DPP10: variants seen among roughly 807,000 people sequenced by gnomAD.
The protein encoded by DPP10 is dipeptidyl peptidase like 10, also known as inactive dipeptidyl peptidase 10.
A neutral mutation model predicts 120.9 loss-of-function variants in DPP10; 33 were observed. The observed-to-expected ratio is 0.27, with a 90% CI of 0.21 to 0.37. The LOEUF is 0.37. Among genes scored for constraint, DPP10 ranks in the 10% least tolerant of loss-of-function variants. The pLI, the probability that DPP10 is intolerant of heterozygous loss-of-function variation, is 1.00. For missense variants in DPP10, 816 were observed against 942.8 expected, an observed-to-expected ratio of 0.87 and a Z score of 1.76; for synonymous variants, 337 against 326.1, an observed-to-expected ratio of 1.03 and a Z score of -0.36.
intron 1 of DPP10, among the ~76,000 whole-genome samples, chr2:114,710,517 G>T (rs1001660001): frequency 3.9e-5 from 6 of 152,106 alleles, no homozygotes; most frequent in African/African-American, 1.4e-4. Context: ...GGCCAAGGTG[G>T]GTGGATCACT....
chr2:114,525,669 G>A (rs773125326), intron 1 of DPP10, among the ~76,000 whole-genome samples: 6 of 152,058 alleles, frequency 3.9e-5, no homozygotes, highest in African/African-American at 7.2e-5. Flanking sequence ...TGTGATTTTC[G>A]CACAAGTCAT....
At chr2:115,349,769 G>A (rs969958034) in intron 3 of DPP10, among the ~76,000 whole-genome samples, 1 of 152,058 alleles carries the variant, frequency 6.6e-6, no homozygotes, top group African/African-American at 2.4e-5. Context: ...TTGTTTGTTT[G>A]ACACTAATTT....
chr2:114,783,685 T>C (rs1383190519), intron 1 of DPP10, among the ~76,000 whole-genome samples: 2 of 151,724 alleles, frequency 1.3e-5, no homozygotes, highest in African/African-American at 4.8e-5. Flanking sequence ...AATGCAAAAA[T>C]TAGCCGGGTG....
At chr2:115,807,735 A>G (rs1245974543) in intron 19 of DPP10, among the ~76,000 whole-genome samples, 1 of 152,048 alleles carries the variant, frequency 6.6e-6, no homozygotes, top group African/African-American at 2.4e-5. Flanking sequence ...GCTAGGGGAG[A>G]GATCCAAAAA....
intron 1 of DPP10, among the ~76,000 whole-genome samples, chr2:115,249,977 G>T (rs1044765094): frequency 1.3e-5 from 2 of 152,106 alleles, no homozygotes; most frequent in Non-Finnish European, 2.9e-5. Context: ...TATGCAGTAC[G>T]CTGACCAAAC....
intron 4 of DPP10, among the ~76,000 whole-genome samples, chr2:115,519,119 C>T (rs940027955): frequency 1.3e-5 from 2 of 152,094 alleles, no homozygotes; most frequent in Non-Finnish European, 2.9e-5. Flanking sequence ...CTCAAATTCA[C>T]CTTTTCTGCC....
At chr2:114,600,346 T>C (rs1229506229) in intron 1 of DPP10, among the ~76,000 whole-genome samples, 1 of 151,888 alleles carries the variant, frequency 6.6e-6, no homozygotes, top group African/African-American at 2.4e-5. Flanking sequence ...TCAGATATTA[T>C]ACTTTTTAAT....
chr2:115,523,515 G>A (rs1477147549), intron 4 of DPP10, among the ~76,000 whole-genome samples: 1 of 151,188 alleles, frequency 6.6e-6, no homozygotes, highest in African/African-American at 2.4e-5. Context: ...TGAGAAAGGT[G>A]TAACAACTGC....
chr2:115,227,385 A>G (rs184321156), intron 1 of DPP10, among the ~76,000 whole-genome samples: 42 of 152,294 alleles, frequency 2.8e-4, no homozygotes, highest in Admixed American at 2.5e-3. Flanking sequence ...CTTCCAGTTG[A>G]AATTTAAACT....
At chr2:114,800,771 A>G (rs2106278652) in intron 1 of DPP10, among the ~76,000 whole-genome samples, 1 of 152,324 alleles carries the variant, frequency 6.6e-6, no homozygotes, top group African/African-American at 2.4e-5. Context: ...TATAGAAACC[A>G]TCAGAATTTG....
chr2:115,744,008 C>G (rs565073252), intron 9 of DPP10, among the ~76,000 whole-genome samples: 7 of 150,734 alleles, frequency 4.6e-5, no homozygotes, highest in African/African-American at 1.7e-4. Flanking sequence ...TTGACCACCA[C>G]TGAGCTGTTA....
intron 7 of DPP10, among the ~76,000 whole-genome samples, chr2:115,693,566 C>T: frequency 6.6e-6 from 1 of 152,136 alleles, no homozygotes; most frequent in East Asian, 1.9e-4. Context: ...ATTCTTCATA[C>T]TTGAGGGAAA....
At chr2:114,738,116 C>T (rs1296883551) in intron 1 of DPP10, among the ~76,000 whole-genome samples, 1 of 152,122 alleles carries the variant, frequency 6.6e-6, no homozygotes, top group Non-Finnish European at 1.5e-5. Flanking sequence ...ACAACCAGAT[C>T]TCATGAGAAT....
chr2:114,634,798 G>A (rs993159943), intron 1 of DPP10, among the ~76,000 whole-genome samples: 1 of 151,846 alleles, frequency 6.6e-6, no homozygotes, highest in East Asian at 1.9e-4. Flanking sequence ...ATAATAGTAC[G>A]ACTCATACAG....
At chr2:114,903,733 A>C (rs1476702492) in intron 1 of DPP10, among the ~76,000 whole-genome samples, 1 of 152,210 alleles carries the variant, frequency 6.6e-6, no homozygotes, top group Non-Finnish European at 1.5e-5. Context: ...TTATTAAAAC[A>C]AACTGTGATC....
At chr2:114,532,872 C>G (rs1417499963) in intron 1 of DPP10, among the ~76,000 whole-genome samples, 1 of 152,140 alleles carries the variant, frequency 6.6e-6, no homozygotes, top group East Asian at 1.9e-4. Context: ...GTACCATGTA[C>G]TGGATATCCA....
intron 3 of DPP10, chr2:115,468,029 G>A (rs548760166): frequency 4.4e-4 from 160 of 361,592 alleles, no homozygotes; most frequent in South Asian, 2.2e-3. Flanking sequence ...CTGGATTCCC[G>A]CTGTAACTTA....
At chr2:114,694,249 G>T (rs1420067664) in intron 1 of DPP10, among the ~76,000 whole-genome samples, 1 of 151,824 alleles carries the variant, frequency 6.6e-6, no homozygotes, top group Non-Finnish European at 1.5e-5. Context: ...ACAGCATGGA[G>T]CCAAGCATAT....
intron 3 of DPP10, among the ~76,000 whole-genome samples, chr2:115,484,334 T>C (rs944191533): frequency 4.6e-5 from 7 of 152,012 alleles, no homozygotes; most frequent in Non-Finnish European, 4.4e-5. Flanking sequence ...AGATCTGTGG[T>C]TTGTGTCACT....
Sources: gnomAD v4.1 joint callset for allele counts (sites outside exome capture counted in the v4.1 genomes callset) on GRCh38, gnomAD v4.1.1 for gene constraint, MANE v1.5 for transcripts, NCBI Gene and HGNC (gene_info 2026-07-23, HGNC 2026-07-21) for gene names.